Variants in SYTL5 observed in about 807,000 individuals in gnomAD.
SYTL5 encodes the protein synaptotagmin-like protein 5.
In SYTL5, 34 loss-of-function variants were observed where a neutral mutation model predicts 55.9. The observed-to-expected ratio is 0.61, with a 90% CI of 0.46 to 0.81. The LOEUF is 0.81. Among genes scored for constraint, SYTL5 ranks in the 30% least tolerant of loss-of-function variants. The pLI is 0.00. For synonymous variants in SYTL5, 221 were observed against 188.7 expected (o/e 1.17, Z -1.40); for missense variants, 637 against 546.7 (o/e 1.17, Z -1.65).
chrX:38,043,661 GTATATATATATA>G (rs35312093), intron 2 of SYTL5, among the ~76,000 whole-genome samples: 17 of 50,148 alleles, frequency 3.4e-4, no homozygotes, highest in East Asian at 2.4e-3. Flanking sequence ...ATGTATGTAT[GTATATATATATA>G]TATATATATA....
At chrX:38,048,813 C>A (rs1386604069) in intron 2 of SYTL5, among the ~76,000 whole-genome samples, 1 of 111,817 alleles carries the variant, frequency 8.9e-6, no homozygotes, top group African/African-American at 3.3e-5. Context: ...GGTGGGGATG[C>A]AGCCAAACCA....
the SYTL5 span, among the ~76,000 whole-genome samples, chrX:37,935,706 T>A: frequency 8.9e-6 from 1 of 112,047 alleles, no homozygotes; most frequent in Non-Finnish European, 1.9e-5. Context: ...ATGTTAATTG[T>A]CATTGCCAGG....
chrX:37,900,420 G>A, the SYTL5 span, among the ~76,000 whole-genome samples: 1 of 111,723 alleles, frequency 9.0e-6, no homozygotes, highest in Non-Finnish European at 1.9e-5. Context: ...AAATTAAGCA[G>A]GAATAAGGGA....
chrX:37,959,486 G>A, the SYTL5 span, among the ~76,000 whole-genome samples: 2 of 111,861 alleles, frequency 1.8e-5, no homozygotes, highest in African/African-American at 6.5e-5. Flanking sequence ...GCGGTTTAAA[G>A]TAAATACCAT....
intron 1 of SYTL5, among the ~76,000 whole-genome samples, chrX:38,022,217 C>A (rs911824065): frequency 8.9e-6 from 1 of 112,088 alleles, no homozygotes; most frequent in East Asian, 2.8e-4. Flanking sequence ...GCAACCCAAA[C>A]TTTGAATAAA....
At chrX:38,110,295 T>C in intron 12 of SYTL5, 26 bp from the exon 13 acceptor site, 1 of 1,152,364 alleles carries the variant, frequency 8.7e-7, no homozygotes. Flanking sequence ...CCTTGTGGAG[T>C]GTAATGTTGT....
At chrX:38,033,366 T>TA (rs1191058685) in intron 1 of SYTL5, among the ~76,000 whole-genome samples, 168 bp from the exon 2 acceptor site, 2 of 112,303 alleles carry the variant, frequency 1.8e-5, no homozygotes, top group Non-Finnish European at 3.8e-5. Flanking sequence ...ATTTCCTGGT[T>TA]AAAAAAACAC....
chrX:37,907,441 G>A, the SYTL5 span, among the ~76,000 whole-genome samples: 3 of 112,170 alleles, frequency 2.7e-5, no homozygotes, highest in Non-Finnish European at 5.6e-5. Flanking sequence ...TTAGAGTTGA[G>A]TGGAAGCTTC....
At chrX:38,034,901 C>T (rs1203362935) in intron 2 of SYTL5, among the ~76,000 whole-genome samples, 1 of 112,094 alleles carries the variant, frequency 8.9e-6, no homozygotes, top group Non-Finnish European at 1.9e-5. Flanking sequence ...TCAGTCACTG[C>T]CAACTATGCA....
intron 13 of SYTL5, among the ~76,000 whole-genome samples, chrX:38,119,430 T>C (rs1485952650): frequency 8.9e-6 from 1 of 112,457 alleles, no homozygotes; most frequent in African/African-American, 3.2e-5. Context: ...AATGAAATCA[T>C]AAAGTATATG....
At chrX:38,061,318 T>G (rs1490046666) in intron 3 of SYTL5, among the ~76,000 whole-genome samples, 1 of 112,352 alleles carries the variant, frequency 8.9e-6, no homozygotes, top group Non-Finnish European at 1.9e-5. Context: ...ATTAGAGACT[T>G]AAACTATATC....
At chrX:37,950,755 A>G in the SYTL5 span, among the ~76,000 whole-genome samples, 6 of 111,597 alleles carry the variant, frequency 5.4e-5, no homozygotes, top group African/African-American at 1.9e-4. Context: ...CCAAATATTG[A>G]TTTTTGACCA....
At chrX:38,063,764 T>A (rs1394468877) in intron 3 of SYTL5, among the ~76,000 whole-genome samples, 1 of 112,369 alleles carries the variant, frequency 8.9e-6, no homozygotes, top group South Asian at 3.7e-4. Context: ...TCTACACTGT[T>A]GTTACATTCC....
At position 38,128,616 on chromosome X, in the gene SYTL5, G is replaced by A. The variant is rs1360484956; in HGVS notation, c.*1886G>A. On this transcript the variant is annotated 3_prime_UTR_variant, in exon 17 of 17. Coordinates refer to ENST00000297875, the MANE Select transcript of SYTL5 (RefSeq NM_138780.3). ...AGTATTATTATTAGTAAGGGAATAC[G>A]CAATCCAGTTTCAATTTTATTCAGA... is the stretch of plus-strand genomic sequence containing the variant. The A allele has an allele frequency of 3.6e-5, 4 of 111,700 alleles. No homozygotes were observed. The highest frequency in any genetic ancestry group is 6.5e-5 in the African/African-American group (2 of 30,733). The allele number at this position is 111,700 out of a possible 1,213,427, so 9.2% of individuals were successfully genotyped here. A position where few individuals can be genotyped will look rare whatever the true frequency, so the allele number is the denominator to read the frequency against.
At chrX:37,900,501 A>G in the SYTL5 span, among the ~76,000 whole-genome samples, 3 of 112,153 alleles carry the variant, frequency 2.7e-5, no homozygotes, top group African/African-American at 9.7e-5. Context: ...CTTTTGAAGG[A>G]GGCAGTCAGG....
At chrX:37,904,660 C>T in the SYTL5 span, among the ~76,000 whole-genome samples, 1 of 110,889 alleles carries the variant, frequency 9.0e-6, no homozygotes, top group Non-Finnish European at 1.9e-5. Context: ...AACTTATATT[C>T]CCTACGCATC....
the SYTL5 span, among the ~76,000 whole-genome samples, chrX:37,957,885 T>C: frequency 3.6e-5 from 4 of 112,466 alleles, no homozygotes; most frequent in Admixed American, 1.9e-4. Context: ...ATATCAACTC[T>C]TAGTCAATTT....
the SYTL5 span, among the ~76,000 whole-genome samples, chrX:37,960,808 T>G: frequency 1.0e-5 from 1 of 96,993 alleles, no homozygotes; most frequent in Non-Finnish European, 2.0e-5. Flanking sequence ...ATTTATTTAT[T>G]TATTTGAGAT....
chrX:38,096,272 G>C, intron 9 of SYTL5, 38 bp downstream of exon 9: 33 of 816,729 alleles, frequency 4.0e-5, no homozygotes, highest in Non-Finnish European at 6.0e-5. Context: ...TGAAGAGGAG[G>C]AAATAAGGGC....
Sources: gnomAD v4.1 joint callset for allele counts (sites outside exome capture counted in the v4.1 genomes callset) on GRCh38, gnomAD v4.1.1 for gene constraint, MANE v1.5 for transcripts, NCBI Gene and HGNC (gene_info 2026-07-23, HGNC 2026-07-21) for gene names.